CFAP251: variants seen among roughly 807,000 people sequenced by gnomAD.
The protein encoded by CFAP251 is cilia and flagella associated protein 251, also known as cilia- and flagella-associated protein 251.
A neutral mutation model predicts 126.7 loss-of-function variants in CFAP251; 93 were observed. The ratio of observed to expected loss-of-function variants is 0.73; its 90% CI spans 0.62 to 0.87. CFAP251 has a LOEUF of 0.87. Ranked by LOEUF, CFAP251 falls within the 40% of genes least tolerant of loss-of-function variation. CFAP251 has a pLI of 0.00. For synonymous variants in CFAP251, 503 were observed against 506.9 expected (o/e 0.99, Z 0.10); for missense variants, 1,287 against 1,389.2 (o/e 0.93, Z 1.17).
chr12:121,952,752 C>T (rs917325932), intron 9 of CFAP251: 3 of 152,100 alleles, frequency 2.0e-5, no homozygotes, highest in African/African-American at 7.2e-5. Flanking sequence ...TTTAAGAGGG[C>T]ATGCCAAAAG....
chr12:121,931,931 C>T (rs572717472), intron 4 of CFAP251, 45 bp downstream of exon 4: 3 of 1,443,212 alleles, frequency 2.1e-6, no homozygotes, highest in East Asian at 5.3e-5. Flanking sequence ...TTGTCTTTAA[C>T]GTGCGTGTGG....
chr12:121,923,695 AC>A lies in CFAP251; in HGVS notation c.454del (p.Leu152Ter), dbSNP rs1880284412. On this transcript the variant is annotated frameshift_variant, in exon 3 of 22. Transcript: ENST00000288912. LOFTEE classifies it high-confidence loss of function. ...EDAETDELLR[D>X]LSTQIEFLDL... is the part of the protein sequence containing the mutation. Reference sequence around the variant, plus strand: ...GCAGAAACAGATGAGCTTTTAAGAGACCTGAGCACACAAATTGAATTTCTTG... The same window carrying A: ...GCAGAAACAGATGAGCTTTTAAGAGACTGAGCACACAAATTGAATTTCTTG... 2 of 1,614,020 alleles carry A rather than the reference AC, an allele frequency of 1.2e-6. No individual in the cohort carries two copies. The highest frequency in any genetic ancestry group is 2.7e-5 in the African/African-American group (2 of 74,894).
At chr12:121,972,912 A>G (rs920649600) in intron 17 of CFAP251, among the ~76,000 whole-genome samples, 10 of 152,238 alleles carry the variant, frequency 6.6e-5, no homozygotes, top group African/African-American at 2.4e-4. Flanking sequence ...TGACTATGTG[A>G]TAGAAAAGAA....
chr12:121,934,293 G>A lies in CFAP251; in HGVS notation c.935G>A (p.Arg312Gln), dbSNP rs1022117954. 5 of 1,614,076 alleles carry A rather than the reference G, an allele frequency of 3.1e-6. No homozygotes were observed. Among genetic ancestry groups the A allele is most frequent in the South Asian group, 2.2e-5 (2 of 91,062 alleles). ...ISCLCVSEDR[R>Q]WIATADKGPD... ...TGCCTCTGCGTCAGTGAAGACAGGC[G>A]GTGGATCGCCACAGCAGACAAAGGG... Residue 312 changes from arginine (R) to glutamine (Q), a missense_variant, in exon 5 of 22, where the codon CGG becomes CAG. Coordinates refer to ENST00000288912, the MANE Select transcript of CFAP251 (RefSeq NM_144668.6).
At chr12:121,960,796 C>T (rs1030682067) in intron 14 of CFAP251, 38 bp downstream of exon 14, 20 of 1,606,206 alleles carry the variant, frequency 1.2e-5, no homozygotes, top group Non-Finnish European at 1.3e-5. Context: ...GTCGCCAAGA[C>T]TGTGTCTCAC....
chr12:121,990,425 C>T (rs530888112), intron 19 of CFAP251, among the ~76,000 whole-genome samples: 139 of 152,292 alleles, frequency 9.1e-4, no homozygotes, highest in African/African-American at 3.2e-3. Flanking sequence ...AGAGAAGCCT[C>T]GGGTTCAGGT....
chr12:121,966,102 TA>T (rs1334580265), intron 15 of CFAP251, among the ~76,000 whole-genome samples: 4 of 148,948 alleles, frequency 2.7e-5, no homozygotes, highest in Non-Finnish European at 5.9e-5. Flanking sequence ...ACCAGAGTCT[TA>T]AAACCTATGT....
chr12:121,967,900 A>G, intron 16 of CFAP251, 106 bp from the exon 17 acceptor site: 1 of 1,045,684 alleles, frequency 9.6e-7, no homozygotes, highest in Non-Finnish European at 1.4e-6. Context: ...GTCCAGACAC[A>G]CAGGTCCTTC....
At chr12:121,963,993 A>T (rs1269409158) in intron 15 of CFAP251, among the ~76,000 whole-genome samples, 2 of 152,024 alleles carry the variant, frequency 1.3e-5, no homozygotes, top group African/African-American at 4.8e-5. Flanking sequence ...TGTTTCAGTG[A>T]TCCACCACGA....
rs748281786 is a variant in CFAP251, at chr12:121,967,991, T to G, written c.2608-15T>G. ...CTACCTGAGTCTGAATATCCAATTA[T>G]GTGTTCCTTTCTAGGTGGGACTTCA... On this transcript the variant is annotated splice_polypyrimidine_tract_variant and intron_variant, in intron 16 of 21. Coordinates refer to ENST00000288912, the MANE Select transcript of CFAP251 (RefSeq NM_144668.6). The G allele has an allele frequency of 1.3e-6, 2 of 1,589,126 alleles. No individual in the cohort carries two copies. Among genetic ancestry groups the G allele is most frequent in the African/African-American group, 1.3e-5 (1 of 74,366 alleles).
At chr12:121,966,910 T>G in intron 15 of CFAP251, 45 bp from the exon 16 acceptor site, 20 of 1,575,250 alleles carry the variant, frequency 1.3e-5, no homozygotes, top group Non-Finnish European at 1.7e-5. Flanking sequence ...AAACCTATGT[T>G]GAGATTTGTG....
chr12:121,958,629 C>T, intron 12 of CFAP251, 107 bp downstream of exon 12: 1 of 1,519,390 alleles, frequency 6.6e-7, no homozygotes, highest in Non-Finnish European at 8.9e-7. Flanking sequence ...ACTCCAGCCC[C>T]CAGCAGGCTG....
intron 9 of CFAP251, chr12:121,953,647 T>G (rs1215821088): frequency 6.4e-6 from 1 of 157,164 alleles, no homozygotes; most frequent in East Asian, 1.9e-4. Context: ...CTCTGTATTA[T>G]TAGAGAATCG....
intron 19 of CFAP251, among the ~76,000 whole-genome samples, chr12:121,987,344 A>T (rs1415173384): frequency 6.6e-6 from 1 of 152,190 alleles, no homozygotes. Context: ...AGAGCAAGAC[A>T]AAACTATTTC....
chr12:121,927,797 A>G (rs1880479328), intron 3 of CFAP251, among the ~76,000 whole-genome samples: 1 of 152,170 alleles, frequency 6.6e-6, no homozygotes, highest in Admixed American at 6.6e-5. Context: ...AATAGACATG[A>G]CTGTGGATCC....
chr12:121,929,577 T>G (rs185601262), intron 3 of CFAP251, among the ~76,000 whole-genome samples: 130 of 152,190 alleles, frequency 8.5e-4, no homozygotes, highest in African/African-American at 3.1e-3. Flanking sequence ...TCCTGACATG[T>G]ACCCAGCATT....
chr12:121,971,123 T>TAGG (rs1882316234), intron 17 of CFAP251, among the ~76,000 whole-genome samples: 1 of 152,244 alleles, frequency 6.6e-6, no homozygotes, highest in Admixed American at 6.5e-5. Context: ...GGCCTTTACC[T>TAGG]GGCTCTGCTC....
At chr12:121,943,832 T>TA (rs1393722347) in intron 7 of CFAP251, among the ~76,000 whole-genome samples, 2 of 152,216 alleles carry the variant, frequency 1.3e-5, no homozygotes, top group African/African-American at 4.8e-5. Flanking sequence ...ATTCTTTACT[T>TA]ACATTATCTC....
intron 5 of CFAP251, among the ~76,000 whole-genome samples, chr12:121,939,669 A>G (rs1881034057): frequency 6.6e-6 from 1 of 152,232 alleles, no homozygotes; most frequent in Admixed American, 6.5e-5. Flanking sequence ...TATGAATTTT[A>G]TGATATCCCA....
Sources: gnomAD v4.1 joint callset for allele counts (sites outside exome capture counted in the v4.1 genomes callset) on GRCh38, gnomAD v4.1.1 for gene constraint, MANE v1.5 for transcripts, NCBI Gene and HGNC (gene_info 2026-07-23, HGNC 2026-07-21) for gene names.